The following LYST variants were observed in gnomAD, a reference collection of about 807,000 sequenced individuals.
LYST encodes lysosomal-trafficking regulator.
LYST carries 192 observed loss-of-function variants against 413.6 expected under a neutral mutation model. The ratio of observed to expected loss-of-function variants is 0.46; its 90% confidence interval spans 0.41 to 0.52. The LOEUF (loss-of-function observed/expected upper bound fraction) is 0.52. Among genes scored for constraint, LYST ranks in the 20% least tolerant of loss-of-function variants. The pLI is 0.00. For synonymous variants in LYST, 1,525 were observed against 1,567.3 expected, an observed-to-expected ratio of 0.97 and a Z score of 0.64; for missense variants, 3,815 against 4,499.9, an observed-to-expected ratio of 0.85 and a Z score of 4.35.
intron 4 of LYST, among the ~76,000 whole-genome samples, chr1:235,811,765 G>C (rs1022398087): frequency 6.6e-6 from 1 of 152,032 alleles, no homozygotes; most frequent in African/African-American, 2.4e-5. Flanking sequence ...AAATTAAAAG[G>C]AGTCTGACAA....
chr1:235,729,454 T>C (rs1361043194), intron 37 of LYST, 142 bp downstream of exon 37: 4 of 680,054 alleles, frequency 5.9e-6, no homozygotes, highest in Admixed American at 2.1e-5. Context: ...CAATTACATA[T>C]AATGTTAAGG....
At chr1:235,762,622 T>C (rs1667704327) in intron 22 of LYST, 98 bp downstream of exon 22, 3 of 1,225,392 alleles carry the variant, frequency 2.4e-6, no homozygotes, top group African/African-American at 1.5e-5. Context: ...TTGAATGAGG[T>C]TGTACTACAT....
At position 235,775,101 on chromosome 1, in the gene LYST, G is replaced by A. The variant is rs776813549; in HGVS notation, c.5461-15C>T. The A allele has an allele frequency of 3.2e-6, 5 of 1,570,794 alleles. No individual in the cohort carries two copies. Among genetic ancestry groups the A allele is most frequent in the African/African-American group, 2.7e-5 (2 of 74,342 alleles). ...AGTTCAACAACCTAAAAAAAAAAATGGGTGGATATAGTTTTCTCCCAATTT... is the reference window on the plus strand; with the variant it reads ...AGTTCAACAACCTAAAAAAAAAAATAGGTGGATATAGTTTTCTCCCAATTT... On this transcript the variant is annotated splice_polypyrimidine_tract_variant and intron_variant, in intron 17 of 52. Coordinates refer to ENST00000389793, the MANE Select transcript of LYST (RefSeq NM_000081.4).
At chr1:235,879,553 A>G (rs1234747180) in intron 1 of LYST, among the ~76,000 whole-genome samples, 1 of 152,200 alleles carries the variant, frequency 6.6e-6, no homozygotes, top group African/African-American at 2.4e-5. Flanking sequence ...TTTACTCCAG[A>G]TACATAGTCT....
intron 39 of LYST, 109 bp downstream of exon 39, chr1:235,723,919 T>C: frequency 3.1e-6 from 3 of 971,226 alleles, no homozygotes; most frequent in South Asian, 2.7e-5. Context: ...CTAAGAAACA[T>C]GGCAATTTTA....
intron 21 of LYST, among the ~76,000 whole-genome samples, chr1:235,765,554 T>C (rs993848316): frequency 6.6e-6 from 1 of 152,206 alleles, no homozygotes; most frequent in Non-Finnish European, 1.5e-5. Context: ...TTAAACTGTA[T>C]TTATGGCATT....
Position 235,712,338 on chromosome 1 carries a change from T to C in LYST, c.9785-141A>G, listed in dbSNP as rs1378966456. On this transcript the variant is annotated intron_variant, in intron 42 of 52. Coordinates refer to ENST00000389793, the MANE Select transcript of LYST (RefSeq NM_000081.4). ...TTGCCCATAGTTTAAAAGAAGTTAT[T>C]CATGTTCTTGAAAATAAATATTTCT... 4 of 644,846 alleles carry C rather than the reference T, an allele frequency of 6.2e-6. No individual in the cohort carries two copies. In the Admixed American group the frequency reaches 1.3e-4, roughly 21 times the overall value. 39.9% of individuals were successfully genotyped at this position (644,846 alleles called of 1,614,324 possible).
chr1:235,806,593 T>G lies in LYST; in HGVS notation c.2543A>C (p.Glu848Ala). 1 of 1,613,852 alleles carries G rather than the reference T, an allele frequency of 6.2e-7. No individual in the cohort carries two copies. The highest frequency in any genetic ancestry group is 1.3e-5 in the African/African-American group (1 of 75,044). ...AGTACCCACATGTACAGAGGACAAC[T>G]CCTTCTGTTCAATGTCTATCCCATC... ...DIDGIDIEQK[E>A]LSSVHVGTSF... The change falls in exon 6 of 53, where the codon GAG becomes GCG. Residue 848 changes from glutamate (E) to alanine (A), a missense_variant. Around this residue, in one of 4 missense-constraint regions of LYST, gnomAD observed 1,648 missense variants for 1,810.3 expected, o/e 0.91. Coordinates refer to ENST00000389793, the MANE Select transcript of LYST (RefSeq NM_000081.4).
chr1:235,865,413 A>T (rs963738296), intron 1 of LYST, among the ~76,000 whole-genome samples: 1 of 152,224 alleles, frequency 6.6e-6, no homozygotes, highest in Non-Finnish European at 1.5e-5. Context: ...TGAGGTCCCC[A>T]CTAGAATATA....
In LYST at chr1:235,771,473, C is replaced by T. The variant is rs909316483; in HGVS notation, c.5785-1176G>A. Among the ~76,000 whole-genome samples the T allele has an allele frequency of 5.9e-5, 9 of 152,166 alleles. 1 individual carries two copies. The highest frequency in any genetic ancestry group is 8.8e-5 in the Non-Finnish European group (6 of 68,026). ...ACTTTGTCCAAGTTAGGTTTTCCAA[C>T]CTGCAACTGAGCATATTCTTTATTA... On this transcript the variant is annotated intron_variant, in intron 19 of 52. Transcript: ENST00000389793.
At chr1:235,805,516 A>G (rs1280117400) in intron 6 of LYST, among the ~76,000 whole-genome samples, 1 of 151,880 alleles carries the variant, frequency 6.6e-6, no homozygotes, top group Non-Finnish European at 1.5e-5. Context: ...AATATCCATT[A>G]TTATTCATCT....
intron 48 of LYST, among the ~76,000 whole-genome samples, chr1:235,685,703 G>A (rs546202814): frequency 2.6e-5 from 4 of 151,836 alleles, no homozygotes; most frequent in East Asian, 1.9e-4. Context: ...AAAATTAGCC[G>A]GGTGTGGTGG....
At chr1:235,874,006 A>T (rs1345528342) in intron 1 of LYST, among the ~76,000 whole-genome samples, 2 of 152,248 alleles carry the variant, frequency 1.3e-5, no homozygotes, top group Non-Finnish European at 2.9e-5. Context: ...GCAGATGCAT[A>T]GAATAGAATA....
At chr1:235,702,676 T>C in intron 45 of LYST, 71 bp downstream of exon 45, 1 of 1,263,052 alleles carries the variant, frequency 7.9e-7, no homozygotes, top group Non-Finnish European at 1.1e-6. Context: ...ATTCATCACC[T>C]GGGAGAGTGC....
At chr1:235,777,338 G>A in intron 16 of LYST, 30 bp from the exon 17 acceptor site, 2 of 1,600,438 alleles carry the variant, frequency 1.2e-6, no homozygotes, top group African/African-American at 2.7e-5. Flanking sequence ...ATTCAGTAAT[G>A]ACAACAAGTT....
Position 235,674,328 on chromosome 1 carries a change from G to A in LYST, c.11038+2763C>T, listed in dbSNP as rs1659202554. 6.6e-6 allele frequency among the ~76,000 whole-genome samples: 1 copy of A among 151,764 alleles called. No individual in the cohort carries two copies. The highest frequency in any genetic ancestry group is 1.5e-5 in the Non-Finnish European group (1 of 67,990). On this transcript the variant is annotated intron_variant, in intron 50 of 52. Coordinates refer to ENST00000389793, the MANE Select transcript of LYST (RefSeq NM_000081.4). The surrounding 1 kb of genome is among the most constrained non-coding windows in gnomAD (Gnocchi z 4.1). The stretch of plus-strand genomic sequence containing the variant: ...AAGTACTCTGCCAAGCAAGTGGAGT[G>A]GCATTTGCGCTCTAATCCAATTAGC...
At chr1:235,679,586 T>C (rs1162215623) in intron 48 of LYST, among the ~76,000 whole-genome samples, 10 of 152,182 alleles carry the variant, frequency 6.6e-5, no homozygotes, top group Admixed American at 2.6e-4. Context: ...CATTTACTTG[T>C]AGGAATTCCT....
chr1:235,865,942 T>C (rs1429238047), intron 1 of LYST, among the ~76,000 whole-genome samples: 2 of 152,192 alleles, frequency 1.3e-5, no homozygotes, highest in South Asian at 4.1e-4. Context: ...CCCTTAAAAT[T>C]TTCTATCTGC....
At position 235,702,889 on chromosome 1, in the gene LYST, G is replaced by A; in HGVS notation, c.10232C>T (p.Pro3411Leu). 4 of 1,614,196 alleles carry A rather than the reference G, an allele frequency of 2.5e-6. No homozygotes were observed. Among genetic ancestry groups the A allele is most frequent in the Non-Finnish European group, 3.4e-6 (4 of 1,180,024 alleles). The change falls in exon 45 of 53, where the codon CCC becomes CTC. Residue 3411 changes from proline (P) to leucine (L), a missense_variant. By Grantham distance (98) the Pro-to-Leu change is moderately conservative (BLOSUM62 -3). Coordinates refer to ENST00000389793, the MANE Select transcript of LYST (RefSeq NM_000081.4). ...ETMIKTYGQT[P>L]RQLFHMAHVS... ...ATGGGCCATGTGGAACAGCTGACGG[G>A]GAGTCTGCCCGTAGGTTTTTATCAT...
Sources: allele counts gnomAD v4.1 joint callset (sites outside exome capture counted in the v4.1 genomes callset), GRCh38; gene constraint gnomAD v4.1.1; regional missense constraint gnomAD v4.1.1; non-coding constraint Gnocchi (gnomAD v3.1); transcripts MANE v1.5; gene names NCBI Gene and HGNC (gene_info 2026-07-23, HGNC 2026-07-21).